Variants in ESYT1 observed in about 807,000 individuals in gnomAD.
ESYT1 encodes extended synaptotagmin 1.
A neutral mutation model predicts 154.2 loss-of-function variants in ESYT1; 116 were observed. The observed-to-expected ratio is 0.75, with a 90% CI of 0.65 to 0.88. ESYT1 has a LOEUF of 0.88. Ranked by LOEUF, ESYT1 falls within the 40% of genes least tolerant of loss-of-function variation. The probability of loss-of-function intolerance (pLI) is 0.00; values close to 1 mark genes in which losing one functional copy is unlikely to be tolerated. For synonymous variants in ESYT1, 500 were observed against 539.9 expected (o/e 0.93, Z 1.02); for missense variants, 1,264 against 1,379.3 (o/e 0.92, Z 1.32).
In ESYT1 at chr12:56,143,048, G is replaced by A; in HGVS notation, c.3019G>A (p.Asp1007Asn). 6.2e-7 allele frequency: 1 copy of A among 1,614,226 alleles called. No individual in the cohort carries two copies. The highest frequency in any genetic ancestry group is 1.1e-5 in the South Asian group (1 of 91,080). The change falls in exon 28 of 31, where the codon GAT (aspartate) becomes AAT (asparagine). Residue 1007 changes from aspartate to asparagine, a missense_variant. Asp to Asn is a conservative substitution (Grantham distance 23). Transcript: ENST00000394048. Reference protein sequence around the residue: ...SLRQNGRDPPDPYVSLLLLPD... With the variant: ...SLRQNGRDPPNPYVSLLLLPD... ...TCGACAGAATGGACGTGATCCTCCT[G>A]ATCCCTATGTGTCACTGTTGCTACT...
intron 15 of ESYT1, among the ~76,000 whole-genome samples, 180 bp from the exon 16 acceptor site, chr12:56,136,564 A>G (rs1238919500): frequency 6.7e-6 from 1 of 148,290 alleles, no homozygotes; most frequent in African/African-American, 2.5e-5. Flanking sequence ...GCACTCCAGC[A>G]TGGGCGACAG....
rs1427722296 is a variant in ESYT1, at chr12:56,131,246, A to G, written c.644A>G (p.Tyr215Cys). ...TTCTCTTCTTCACCAATCCCCAGCT[A>G]TGTAGGTGATGTGCAGATTGATGTG... ...EQILLDLNIS[Y>C]VGDVQIDVEV... Residue 215 changes from tyrosine (Y) to cysteine (C), a missense_variant and splice_region_variant, in exon 5 of 31, where the codon TAT (tyrosine) becomes TGT (cysteine). Physicochemically the swap from Tyr to Cys is radical, Grantham distance 194. Transcript: ENST00000394048. 7 of 1,613,982 alleles carry G rather than the reference A, an allele frequency of 4.3e-6. No homozygotes were observed. Among genetic ancestry groups the G allele is most frequent in the Admixed American group, 1.7e-5 (1 of 59,992 alleles).
rs1870806118 is a variant in ESYT1 at position 56,143,646 on chromosome 12, G to A, written c.3275+17G>A. The A allele has an allele frequency of 6.2e-7, 1 of 1,613,776 alleles. No homozygotes were observed. Among genetic ancestry groups the A allele is most frequent in the Non-Finnish European group, 8.5e-7 (1 of 1,179,922 alleles). On this transcript the variant is annotated intron_variant, in intron 30 of 30. Coordinates refer to ENST00000394048, the MANE Select transcript of ESYT1 (RefSeq NM_015292.3). ...AGCCCGGTGGTGAGTGTCTGCGTGG[G>A]TGGGGGATGGTCTGGATATTTCAGT...
At chr12:56,133,945 G>A (rs569369069) in intron 13 of ESYT1, 72 bp downstream of exon 13, 51 of 1,553,522 alleles carry the variant, frequency 3.3e-5, no homozygotes, top group South Asian at 1.1e-5. Flanking sequence ...GGATGCAAAT[G>A]TCCCTGCCTG....
intron 15 of ESYT1, among the ~76,000 whole-genome samples, 152 bp from the exon 16 acceptor site, chr12:56,136,590 CAA>C (rs944160332): frequency 4.5e-4 from 26 of 58,208 alleles, no homozygotes; most frequent in Admixed American, 5.4e-4. Context: ...GACTCTGTCT[CAA>C]AAAAAAAAAA....
At position 56,142,190 on chromosome 12, in the gene ESYT1, C is replaced by A; in HGVS notation, c.2593-95C>A. The A allele has an allele frequency of 7.0e-7, 1 of 1,434,330 alleles. No individual in the cohort carries two copies. The highest frequency in any genetic ancestry group is 9.5e-7 in the Non-Finnish European group (1 of 1,053,316). 88.9% of individuals were successfully genotyped at this position (1,434,330 alleles called of 1,614,324 possible). Reference sequence around the variant, plus strand: ...TTCTCAAAGGGAAATCTCACCAAACCACCTATGAGTCCAAGCGTTTGGACC... The same window carrying A: ...TTCTCAAAGGGAAATCTCACCAAACAACCTATGAGTCCAAGCGTTTGGACC... On this transcript the variant is annotated intron_variant, in intron 24 of 30. Coordinates refer to ENST00000394048, the MANE Select transcript of ESYT1 (RefSeq NM_015292.3). The surrounding 1 kb of genome is among the most constrained non-coding windows in gnomAD (Gnocchi z 4.1).
intron 15 of ESYT1, among the ~76,000 whole-genome samples, chr12:56,135,935 T>C (rs1047159347): frequency 6.7e-6 from 1 of 149,148 alleles, no homozygotes; most frequent in African/African-American, 2.5e-5. Flanking sequence ...GTGGCATGTG[T>C]CAGTAATCCC....
intron 5 of ESYT1, 46 bp downstream of exon 5, chr12:56,131,362 C>T (rs761046201): frequency 6.8e-6 from 11 of 1,611,200 alleles, no homozygotes; most frequent in Admixed American, 3.3e-5. Flanking sequence ...GTTTGTCCTG[C>T]GTTTCATGGG....
intron 3 of ESYT1, 25 bp from the exon 4 acceptor site, chr12:56,131,015 C>A (rs1181047964): frequency 1.9e-6 from 3 of 1,614,212 alleles, no homozygotes; most frequent in Non-Finnish European, 1.7e-6. Context: ...TCCCTGCCCT[C>A]TCTCAGGAAT....
Position 56,130,922 on chromosome 12 carries a change from A to C in ESYT1, c.564A>C (p.Glu188Asp), listed in dbSNP as rs1477636203. The change falls in exon 3 of 31, where the codon GAA becomes GAC. Residue 188 changes from glutamate (E) to aspartate (D), a missense_variant. Coordinates refer to ENST00000394048, the MANE Select transcript of ESYT1 (RefSeq NM_015292.3). ...TFTFTRVELG[E>D]KPLRIIGVKV... ...CATTTACACGAGTGGAACTGGGTGA[A>C]AAGGTATGTGTGGAGGAGGGAAAGT... 3 of 1,614,108 alleles carry C rather than the reference A, an allele frequency of 1.9e-6. No homozygotes were observed. The African/African-American group carries it at 4.0e-5, about 22-fold the overall frequency.
chr12:56,132,096 CA>C, intron 7 of ESYT1, 112 bp from the exon 8 acceptor site: 1 of 1,528,220 alleles, frequency 6.5e-7, no homozygotes, highest in Non-Finnish European at 9.0e-7. Flanking sequence ...AGGATTTTCA[CA>C]AAAGGACTTT....
chr12:56,129,018 G>T (rs1332655573), intron 1 of ESYT1, among the ~76,000 whole-genome samples: 1 of 152,110 alleles, frequency 6.6e-6, no homozygotes. Context: ...CTCCCTCCTA[G>T]CCAAGCCATC....
Position 56,137,241 on chromosome 12 carries a change from A to T in ESYT1, c.1806A>T (p.Glu602Asp). Residue 602 changes from glutamate (E) to aspartate (D), a missense_variant, in exon 17 of 31, where the codon GAA (glutamate) becomes GAT (aspartate). Glu to Asp is a conservative substitution (Grantham distance 45). Transcript: ENST00000394048. ...AGATCCTGTACTTGGATTCATCAGA[A>T]ATATGCTTCCCCACGGTGCCTGGTT... ...VMRILYLDSS[E>D]ICFPTVPGCP... 1 of 1,614,126 alleles carries T rather than the reference A, an allele frequency of 6.2e-7. No individual in the cohort carries two copies.
chr12:56,136,547 C>T (rs745924540), intron 15 of ESYT1, among the ~76,000 whole-genome samples, 197 bp from the exon 16 acceptor site: 11 of 147,250 alleles, frequency 7.5e-5, no homozygotes, highest in Non-Finnish European at 1.6e-4. Flanking sequence ...GCCAAGATGG[C>T]GCCATTGCAC....
chr12:56,130,841 G>T lies in ESYT1; in HGVS notation c.483G>T (p.Leu161=), dbSNP rs754387615. 5.7e-5 allele frequency: 92 copies of T among 1,614,158 alleles called. No homozygotes were observed. The highest frequency in any genetic ancestry group is 7.7e-5 in the Non-Finnish European group (91 of 1,180,038). ...PFLGQYMEKL[L]AETVAPAVRG... is the part of the protein sequence containing the mutation. The stretch of plus-strand genomic sequence containing the variant: ...TGGGCCAGTATATGGAGAAGCTTCT[G>T]GCTGAAACTGTGGCTCCGGCTGTTA... The change falls in exon 3 of 31, where the codon CTG becomes CTT. Residue 161 remains leucine, a synonymous_variant. Coordinates refer to ENST00000394048, the MANE Select transcript of ESYT1 (RefSeq NM_015292.3).
rs149142059 is a variant in ESYT1, at chr12:56,137,229, G to C, written c.1794G>C (p.Leu598Phe). The stretch of plus-strand genomic sequence containing the variant: ...ACTACCCTTCCTAGATCCTGTACTT[G>C]GATTCATCAGAAATATGCTTCCCCA... ...YMKLVMRILY[L>F]DSSEICFPTV... The change falls in exon 17 of 31, where the codon TTG (leucine) becomes TTC (phenylalanine). Residue 598 changes from leucine to phenylalanine, a missense_variant. Physicochemically the swap from Leu to Phe is conservative, Grantham distance 22. Transcript: ENST00000394048. 53 of 1,614,056 alleles carry C rather than the reference G, an allele frequency of 3.3e-5. No individual in the cohort carries two copies. The highest frequency in any genetic ancestry group is 1.3e-4 in the African/African-American group (10 of 74,902).
intron 24 of ESYT1, 45 bp downstream of exon 24, chr12:56,139,058 G>C (rs1204504710): frequency 6.8e-7 from 1 of 1,475,488 alleles, no homozygotes; most frequent in Admixed American, 1.7e-5. Context: ...TTTCTGCCAT[G>C]GCCAGGCAGG....
intron 4 of ESYT1, 62 bp downstream of exon 4, chr12:56,131,175 T>G: frequency 6.2e-7 from 1 of 1,613,190 alleles, no homozygotes; most frequent in South Asian, 1.1e-5. Context: ...TCCAGGCTAC[T>G]TCACTCCCCC....
intron 1 of ESYT1, 152 bp downstream of exon 1, chr12:56,128,861 G>T (rs996422278): frequency 1.1e-6 from 1 of 929,604 alleles, no homozygotes; most frequent in Non-Finnish European, 1.6e-6. Flanking sequence ...CCTGCCTGCT[G>T]GACGCGCCAC....
Sources: gnomAD v4.1 joint callset for allele counts (sites outside exome capture counted in the v4.1 genomes callset) on GRCh38, gnomAD v4.1.1 for gene constraint, Gnocchi (gnomAD v3.1) non-coding constraint, MANE v1.5 for transcripts, NCBI Gene and HGNC (gene_info 2026-07-23, HGNC 2026-07-21) for gene names.